Variants in GUCY1A2 observed in about 807,000 individuals in gnomAD.
GUCY1A2 encodes the protein guanylate cyclase soluble subunit alpha-2.
Under a neutral mutation model 63.5 loss-of-function variants are expected in GUCY1A2, and 27 were observed. The observed-to-expected ratio is 0.43, with a 90% CI of 0.31 to 0.59. The LOEUF (loss-of-function observed/expected upper bound fraction) is 0.59, where lower values mean the gene tolerates loss of function less well. Ranked by LOEUF, GUCY1A2 falls within the 20% of genes least tolerant of loss-of-function variation. The probability of loss-of-function intolerance (pLI) is 0.11; values close to 1 mark genes in which losing one functional copy is unlikely to be tolerated. For synonymous variants in GUCY1A2, 364 were observed against 343.5 expected, an observed-to-expected ratio of 1.06 and a Z score of -0.66; for missense variants, 768 against 913.3, an observed-to-expected ratio of 0.84 and a Z score of 2.05.
At chr11:106,942,542 CGT>C (rs5794506) in intron 3 of GUCY1A2, among the ~76,000 whole-genome samples, 56,026 of 151,894 alleles carry the variant, frequency 0.37, 11,211 homozygotes, top group Non-Finnish European at 0.45. Flanking sequence ...TACAATATTC[CGT>C]GTGTCACTGA....
At chr11:107,002,187 T>G (rs993545047) in intron 1 of GUCY1A2, among the ~76,000 whole-genome samples, 5 of 152,128 alleles carry the variant, frequency 3.3e-5, no homozygotes, top group African/African-American at 9.7e-5. Context: ...TATGTCCTAT[T>G]TGGCCTTATT....
intron 4 of GUCY1A2, among the ~76,000 whole-genome samples, chr11:106,887,824 G>A (rs1859919322): frequency 6.6e-6 from 1 of 152,210 alleles, no homozygotes; most frequent in African/African-American, 2.4e-5. Flanking sequence ...GAGATATTCA[G>A]TGGTATACAC....
chr11:106,934,695 T>C (rs1860651268), intron 4 of GUCY1A2, among the ~76,000 whole-genome samples: 1 of 152,200 alleles, frequency 6.6e-6, no homozygotes, highest in Non-Finnish European at 1.5e-5. Context: ...AGAAATGTGT[T>C]TTTGTTATGC....
rs1175393040 is a variant in GUCY1A2 at position 106,675,042 on chromosome 11, T to C, written c.*12507A>G. 1 of 212,330 alleles carries C rather than the reference T, an allele frequency of 4.7e-6. No homozygotes were observed. Among genetic ancestry groups the C allele is most frequent in the East Asian group, 7.0e-5 (1 of 14,252 alleles). The allele number at this position is 212,330 out of a possible 1,614,324, so 13.2% of individuals were successfully genotyped here. A position where few individuals can be genotyped will look rare whatever the true frequency, so the allele number is the denominator to read the frequency against. ...TTAGGATGATATTTAAAGTACTGTT[T>C]GGGAAATGAGACCCTTTGGTTTTGT... On this transcript the variant is annotated 3_prime_UTR_variant, in exon 8 of 8. Transcript: ENST00000526355.
chr11:106,933,387 C>G (rs1860630640), intron 4 of GUCY1A2, among the ~76,000 whole-genome samples: 1 of 151,926 alleles, frequency 6.6e-6, no homozygotes, highest in African/African-American at 2.4e-5. Flanking sequence ...AAATCAAACC[C>G]ACAATGAGAT....
chr11:106,760,069 TCCCTA>T (rs1486519395), intron 6 of GUCY1A2, among the ~76,000 whole-genome samples: 1 of 152,112 alleles, frequency 6.6e-6, no homozygotes, highest in East Asian at 1.9e-4. Flanking sequence ...GACAGCTCCT[TCCCTA>T]GTGTCTTCAA....
intron 1 of GUCY1A2, among the ~76,000 whole-genome samples, chr11:107,007,858 C>A (rs577975193): frequency 1.3e-5 from 2 of 151,140 alleles, no homozygotes; most frequent in South Asian, 4.2e-4. Context: ...ATGAACAACA[C>A]AGCATGATAG....
intron 5 of GUCY1A2, among the ~76,000 whole-genome samples, chr11:106,783,075 G>A (rs577272703): frequency 6.6e-6 from 1 of 152,252 alleles, no homozygotes; most frequent in East Asian, 1.9e-4. Context: ...CCAGCCTTTC[G>A]TTGTTCCTGA....
chr11:106,833,049 C>A (rs1470227358), intron 4 of GUCY1A2, among the ~76,000 whole-genome samples: 1 of 151,998 alleles, frequency 6.6e-6, no homozygotes, highest in Non-Finnish European at 1.5e-5. Flanking sequence ...GATCTCCATT[C>A]TCTCTCCTAG....
chr11:106,882,893 C>A (rs899127381), intron 4 of GUCY1A2, among the ~76,000 whole-genome samples: 30 of 152,086 alleles, frequency 2.0e-4, no homozygotes, highest in African/African-American at 7.2e-4. Context: ...AACTATAAAA[C>A]CAACCCATGT....
At chr11:106,956,571 ACTTCAG>A (rs1330657089) in intron 3 of GUCY1A2, among the ~76,000 whole-genome samples, 1 of 152,002 alleles carries the variant, frequency 6.6e-6, no homozygotes, top group Non-Finnish European at 1.5e-5. Context: ...CTAGGGGTTC[ACTTCAG>A]GTCGTATTCA....
chr11:106,812,599 G>T (rs1321616748), intron 4 of GUCY1A2, among the ~76,000 whole-genome samples: 2 of 151,538 alleles, frequency 1.3e-5, no homozygotes, highest in Non-Finnish European at 2.9e-5. Flanking sequence ...TTTAAATGTG[G>T]AATTAGTGTA....
At chr11:106,961,047 A>G (rs572154943) in intron 3 of GUCY1A2, among the ~76,000 whole-genome samples, 11 of 152,266 alleles carry the variant, frequency 7.2e-5, no homozygotes, top group African/African-American at 2.4e-4. Flanking sequence ...CAGACACAGC[A>G]TAAGAACCAT....
chr11:106,801,218 C>T (rs76472240), intron 5 of GUCY1A2, among the ~76,000 whole-genome samples: 4,831 of 152,134 alleles, frequency 0.032, 259 homozygotes, highest in African/African-American at 0.11. Flanking sequence ...ATTCAAATTG[C>T]AATTTACAAA....
At chr11:106,820,056 T>C (rs1022082714) in intron 4 of GUCY1A2, among the ~76,000 whole-genome samples, 1 of 152,168 alleles carries the variant, frequency 6.6e-6, no homozygotes, top group Non-Finnish European at 1.5e-5. Context: ...ATAAAAATAA[T>C]GTAGAAGAAG....
chr11:106,838,299 A>T (rs1007582682), intron 4 of GUCY1A2, among the ~76,000 whole-genome samples: 4 of 151,950 alleles, frequency 2.6e-5, no homozygotes, highest in Admixed American at 1.3e-4. Context: ...AGTCAACTTT[A>T]AAAATAGGTC....
intron 4 of GUCY1A2, among the ~76,000 whole-genome samples, chr11:106,896,718 G>C (rs1303020073): frequency 6.6e-6 from 1 of 152,136 alleles, no homozygotes; most frequent in Non-Finnish European, 1.5e-5. Flanking sequence ...AGGAATATTG[G>C]AAGCACCATA....
intron 6 of GUCY1A2, among the ~76,000 whole-genome samples, chr11:106,760,857 C>A (rs189876246): frequency 6.6e-6 from 1 of 151,956 alleles, no homozygotes; most frequent in Non-Finnish European, 1.5e-5. Context: ...TAATGAGAGG[C>A]TCTCACAGAA....
At chr11:106,890,189 G>C (rs1056941448) in intron 4 of GUCY1A2, among the ~76,000 whole-genome samples, 23 of 152,076 alleles carry the variant, frequency 1.5e-4, no homozygotes, top group African/African-American at 5.6e-4. Flanking sequence ...TTCAAAATCT[G>C]TGAATTTATT....
Sources: gnomAD v4.1 joint callset for allele counts (sites outside exome capture counted in the v4.1 genomes callset) on GRCh38, gnomAD v4.1.1 for gene constraint, MANE v1.5 for transcripts, NCBI Gene and HGNC (gene_info 2026-07-23, HGNC 2026-07-21) for gene names.